The following HS3ST3B1 variants were observed in gnomAD, a reference collection of about 807,000 sequenced individuals.
HS3ST3B1 encodes the protein heparan sulfate glucosamine 3-O-sulfotransferase 3B1.
A neutral mutation model predicts 21.3 loss-of-function variants in HS3ST3B1; 13 were observed. That is an observed-to-expected ratio of 0.61 (90% CI 0.40 to 0.97). HS3ST3B1 has a LOEUF of 0.97. Ranked by LOEUF, HS3ST3B1 falls within the 50% of genes least tolerant of loss-of-function variation. HS3ST3B1 has a pLI of 0.00. For synonymous variants in HS3ST3B1, 234 were observed against 254.8 expected, an observed-to-expected ratio of 0.92 and a Z score of 0.78; for missense variants, 459 against 554.8, an observed-to-expected ratio of 0.83 and a Z score of 1.73.
intron 1 of HS3ST3B1, among the ~76,000 whole-genome samples, chr17:14,307,647 C>T (rs2142324428): frequency 6.6e-6 from 1 of 152,244 alleles, no homozygotes; most frequent in Admixed American, 6.5e-5. Flanking sequence ...GCATTTATTT[C>T]AAGGTTCAGA....
intron 1 of HS3ST3B1, among the ~76,000 whole-genome samples, chr17:14,310,813 G>A (rs535360971): frequency 1.3e-5 from 2 of 152,148 alleles, no homozygotes; most frequent in South Asian, 4.1e-4. Context: ...TCTGCCTGCG[G>A]GCACTTAGCA....
At position 14,302,092 on chromosome 17, in the gene HS3ST3B1, G is replaced by T. The variant is rs757170285; in HGVS notation, c.554+20G>T. On this transcript the variant is annotated intron_variant, in intron 1 of 1. Coordinates refer to ENST00000360954, the MANE Select transcript of HS3ST3B1 (RefSeq NM_006041.3). ...GTACCGGTGAGTTTCCCTGCCAGGG[G>T]CAGGGTCTCCATCGTCGATTCAGAC... is the stretch of plus-strand genomic sequence containing the variant. 6.3e-7 allele frequency: 1 copy of T among 1,579,332 alleles called. No individual in the cohort carries two copies. The highest frequency in any genetic ancestry group is 8.6e-7 in the Non-Finnish European group (1 of 1,168,468).
At chr17:14,319,925 C>T (rs953810525) in intron 1 of HS3ST3B1, among the ~76,000 whole-genome samples, 4 of 152,012 alleles carry the variant, frequency 2.6e-5, no homozygotes, top group African/African-American at 9.6e-5. Flanking sequence ...GATTCCTCAC[C>T]ACCCTCCCCC....
At chr17:14,336,106 C>T (rs1910179687) in intron 1 of HS3ST3B1, among the ~76,000 whole-genome samples, 1 of 152,192 alleles carries the variant, frequency 6.6e-6, no homozygotes, top group Non-Finnish European at 1.5e-5. Flanking sequence ...TTCCCTTGCT[C>T]TTCCCAGTTT....
rs374448444 is a variant in HS3ST3B1, at chr17:14,343,353, TGAA to T, written c.555-1669_555-1667del. On this transcript the variant is annotated intron_variant, in intron 1 of 1. Transcript: ENST00000360954. ...GGTAAGAAACTGGAAAATCTGTTTT[TGAA>T]GAAGATTTGAAATACACAACATATT... Among the ~76,000 whole-genome samples the T allele has an allele frequency of 6.9e-3, 1,047 of 152,318 alleles. 10 individuals carry two copies. The highest frequency in any genetic ancestry group is 0.024 in the African/African-American group (993 of 41,558).
chr17:14,311,259 G>A (rs1909297392), intron 1 of HS3ST3B1, among the ~76,000 whole-genome samples: 2 of 144,004 alleles, frequency 1.4e-5, no homozygotes, highest in African/African-American at 5.1e-5. Flanking sequence ...AAAAAAAACT[G>A]TAGAGATGAG....
In HS3ST3B1 at chr17:14,301,600, C is replaced by T; in HGVS notation, c.82C>T (p.Pro28Ser). Residue 28 changes from proline to serine, a missense_variant, in exon 1 of 2, where the codon CCG becomes TCG. By Grantham distance (74) the Pro-to-Ser change is moderately conservative (BLOSUM62 -1). This residue lies in a region of HS3ST3B1 where 317 missense variants were observed against 278.6 expected (regional missense o/e 1.14). Coordinates refer to ENST00000360954, the MANE Select transcript of HS3ST3B1 (RefSeq NM_006041.3). ...LLPQPPPPPP[P>S]VRRKLALLFA... ...ACCGCAGCCGCCGCCGCCCCCGCCG[C>T]CGGTGAGGAGGAAGCTCGCGCTGCT... 5 of 1,604,168 alleles carry T rather than the reference C, an allele frequency of 3.1e-6. No individual in the cohort carries two copies. Among genetic ancestry groups the T allele is most frequent in the Non-Finnish European group, 3.4e-6 (4 of 1,178,594 alleles).
chr17:14,345,810 T>C lies in HS3ST3B1; in HGVS notation c.*164T>C, dbSNP rs952147709. On this transcript the variant is annotated 3_prime_UTR_variant, in exon 2 of 2. Transcript: ENST00000360954. ...ACTCTTTAGAGAGTTAGCTTCATAA[T>C]CTGTTAACATTCCAAAGTGTTTAAC... 46 of 886,208 alleles carry C rather than the reference T, an allele frequency of 5.2e-5. No homozygotes were observed. The highest frequency in any genetic ancestry group is 6.9e-5 in the Non-Finnish European group (42 of 608,056). The allele number at this position is 886,208 out of a possible 1,614,324, so 54.9% of individuals were successfully genotyped here.
chr17:14,341,696 C>G (rs79660978), intron 1 of HS3ST3B1, among the ~76,000 whole-genome samples: 6,598 of 152,200 alleles, frequency 0.043, 209 homozygotes, highest in East Asian at 0.14. Context: ...TACCCCTAAA[C>G]CCCCTTCTCT....
chr17:14,337,635 C>A (rs1003343803), intron 1 of HS3ST3B1, among the ~76,000 whole-genome samples: 1 of 151,682 alleles, frequency 6.6e-6, no homozygotes, highest in Non-Finnish European at 1.5e-5. Flanking sequence ...TTGCACCTGA[C>A]CTGCCTGATT....
At chr17:14,333,090 A>G (rs2142346371) in intron 1 of HS3ST3B1, among the ~76,000 whole-genome samples, 2 of 152,012 alleles carry the variant, frequency 1.3e-5, no homozygotes, top group East Asian at 3.9e-4. Flanking sequence ...CAGAGGAGAA[A>G]ATGATTGTTC....
chr17:14,345,602 C>G lies in HS3ST3B1; in HGVS notation c.1129C>G (p.Leu377Val). 2 of 1,611,144 alleles carry G rather than the reference C, an allele frequency of 1.2e-6. No individual in the cohort carries two copies. Among genetic ancestry groups the G allele is most frequent in the Non-Finnish European group, 1.7e-6 (2 of 1,178,456 alleles). Reference protein sequence around the residue: ...RLREFYRPFNLKFYQMTGHDF... With the variant: ...RLREFYRPFNVKFYQMTGHDF... The stretch of plus-strand genomic sequence containing the variant: ...GCGCGAGTTCTACCGGCCTTTCAAC[C>G]TCAAGTTCTACCAGATGACCGGGCA... The change falls in exon 2 of 2, where the codon CTC becomes GTC. Residue 377 changes from leucine to valine, a missense_variant. Physicochemically the swap from Leu to Val is conservative, Grantham distance 32. This residue lies in a region of HS3ST3B1 where 127 missense variants were observed against 209.9 expected (regional missense o/e 0.60). Transcript: ENST00000360954.
At chr17:14,321,704 GAA>G (rs5819470) in intron 1 of HS3ST3B1, among the ~76,000 whole-genome samples, 1 of 151,482 alleles carries the variant, frequency 6.6e-6, no homozygotes, top group East Asian at 1.9e-4. Flanking sequence ...GATGGCGGTT[GAA>G]AAAAAAATAC....
chr17:14,345,616 G>C lies in HS3ST3B1; in HGVS notation c.1143G>C (p.Gln381His). The C allele has an allele frequency of 1.2e-6, 2 of 1,613,166 alleles. No homozygotes were observed. The highest frequency in any genetic ancestry group is 1.7e-6 in the Non-Finnish European group (2 of 1,179,500). Reference sequence around the variant, plus strand: ...GGCCTTTCAACCTCAAGTTCTACCAGATGACCGGGCACGACTTTGGCTGGG... The same window carrying C: ...GGCCTTTCAACCTCAAGTTCTACCACATGACCGGGCACGACTTTGGCTGGG... ...FYRPFNLKFY[Q>H]MTGHDFGWD The change falls in exon 2 of 2, where the codon CAG becomes CAC. Residue 381 changes from glutamine to histidine, a missense_variant. Gln to His is a conservative substitution (Grantham distance 24, BLOSUM62 0). Around this residue, in one of 3 missense-constraint regions of HS3ST3B1, gnomAD observed 127 missense variants for 209.9 expected, o/e 0.60. Coordinates refer to ENST00000360954, the MANE Select transcript of HS3ST3B1 (RefSeq NM_006041.3).
At chr17:14,336,667 C>T (rs913929012) in intron 1 of HS3ST3B1, among the ~76,000 whole-genome samples, 1 of 152,176 alleles carries the variant, frequency 6.6e-6, no homozygotes, top group African/African-American at 2.4e-5. Flanking sequence ...GGGGCAGAGG[C>T]TATCTCCGAC....
In HS3ST3B1 at chr17:14,302,081, C is replaced by G; in HGVS notation, c.554+9C>G. The G allele has an allele frequency of 6.3e-7, 1 of 1,589,806 alleles. No individual in the cohort carries two copies. Among genetic ancestry groups the G allele is most frequent in the Middle Eastern group, 1.7e-4 (1 of 6,036 alleles). Reference sequence around the variant, plus strand: ...GGCCTCGCTTGGTACCGGTGAGTTTCCCTGCCAGGGGCAGGGTCTCCATCG... The same window carrying G: ...GGCCTCGCTTGGTACCGGTGAGTTTGCCTGCCAGGGGCAGGGTCTCCATCG... On this transcript the variant is annotated intron_variant, in intron 1 of 1. Coordinates refer to ENST00000360954, the MANE Select transcript of HS3ST3B1 (RefSeq NM_006041.3).
In HS3ST3B1 at chr17:14,301,825, G is replaced by C; in HGVS notation, c.307G>C (p.Glu103Gln). ...PPATPLASGK[E>Q]MAEGAASPEE... ...AGCCACCCCACTGGCTTCAGGCAAGGAGATGGCCGAGGGCGCTGCGAGCCC... is the reference window on the plus strand; with the variant it reads ...AGCCACCCCACTGGCTTCAGGCAAGCAGATGGCCGAGGGCGCTGCGAGCCC... The change falls in exon 1 of 2, where the codon GAG becomes CAG. Residue 103 changes from glutamate (E) to glutamine (Q), a missense_variant. Around this residue, in one of 3 missense-constraint regions of HS3ST3B1, gnomAD observed 317 missense variants for 278.6 expected, o/e 1.14. Transcript: ENST00000360954. 1.3e-6 allele frequency: 2 copies of C among 1,568,328 alleles called. No homozygotes were observed. Among genetic ancestry groups the C allele is most frequent in the East Asian group, 4.7e-5 (2 of 42,862 alleles).
At chr17:14,310,708 C>A (rs1909279355) in intron 1 of HS3ST3B1, among the ~76,000 whole-genome samples, 1 of 152,312 alleles carries the variant, frequency 6.6e-6, no homozygotes, top group South Asian at 2.1e-4. Flanking sequence ...CCGGTCCTGG[C>A]CTTGTGTACC....
At chr17:14,309,280 G>T (rs1909228467) in intron 1 of HS3ST3B1, among the ~76,000 whole-genome samples, 1 of 152,258 alleles carries the variant, frequency 6.6e-6, no homozygotes, top group Admixed American at 6.5e-5. Flanking sequence ...GCCGGAGACA[G>T]ATGGCGGAGC....
Sources: gnomAD v4.1 joint callset for allele counts (sites outside exome capture counted in the v4.1 genomes callset) on GRCh38, gnomAD v4.1.1 for gene constraint, gnomAD v4.1.1 regional missense constraint, MANE v1.5 for transcripts, NCBI Gene and HGNC (gene_info 2026-07-23, HGNC 2026-07-21) for gene names.